The following MGAM2 variants were observed in gnomAD, a reference collection of about 807,000 sequenced individuals.
MGAM2 encodes the protein probable maltase-glucoamylase 2.
MGAM2 carries 98 observed loss-of-function variants against 96.1 expected under a neutral mutation model. The ratio of observed to expected loss-of-function variants is 1.02; its 90% CI spans 0.87 to 1.21. MGAM2 has a LOEUF of 1.21. Ranked by LOEUF, MGAM2 falls within the 50% of genes most tolerant of loss-of-function variation. The pLI is 0.00. For synonymous variants in MGAM2, 749 were observed against 414.8 expected (o/e 1.81, Z -9.79); for missense variants, 2,055 against 1,182.4 (o/e 1.74, Z -10.82).
chr7:142,158,522 A>G (rs1795800588), intron 19 of MGAM2, among the ~76,000 whole-genome samples, 190 bp downstream of exon 19: 1 of 152,190 alleles, frequency 6.6e-6, no homozygotes, highest in Non-Finnish European at 1.5e-5. Flanking sequence ...CAAACAAAAC[A>G]ATTTTCATGT....
At chr7:142,201,359 C>A (rs550470686) in intron 45 of MGAM2, among the ~76,000 whole-genome samples, 1 of 152,036 alleles carries the variant, frequency 6.6e-6, no homozygotes, top group Non-Finnish European at 1.5e-5. Flanking sequence ...TATGAGCCAC[C>A]GTTCCCAGCC....
At position 142,220,193 on chromosome 7, in the gene MGAM2, T is replaced by G. The variant is rs939960155; in HGVS notation, c.5682T>G (p.Asn1894Lys). Residue 1894 changes from asparagine (N) to lysine (K), a missense_variant, in exon 48 of 48, where the codon AAT becomes AAG. By Grantham distance (94) the Asn-to-Lys change is moderately conservative (BLOSUM62 0). Coordinates refer to ENST00000477922, the MANE Select transcript of MGAM2 (RefSeq NM_001293626.2). ...CAAGTACTACTAATGCTAGCACTAATGCTACTGTTCCTATCACAACCACAC... is the reference window on the plus strand; with the variant it reads ...CAAGTACTACTAATGCTAGCACTAAGGCTACTGTTCCTATCACAACCACAC... ...FPTSTTNAST[N>K]ATVPITTTPF... The G allele has an allele frequency of 1.1e-5, 8 of 702,826 alleles. No individual in the cohort carries two copies. The highest frequency in any genetic ancestry group is 1.0e-4 in the African/African-American group (6 of 57,264). 43.5% of individuals were successfully genotyped at this position (702,826 alleles called of 1,614,324 possible). A position where few individuals can be genotyped will look rare whatever the true frequency, so the allele number is the denominator to read the frequency against.
At chr7:142,132,750 A>G (rs1337409435) in intron 6 of MGAM2, among the ~76,000 whole-genome samples, 1 of 125,942 alleles carries the variant, frequency 7.9e-6, no homozygotes, top group Non-Finnish European at 1.6e-5. Context: ...AATAACATAT[A>G]ATATATAATA....
intron 33 of MGAM2, among the ~76,000 whole-genome samples, chr7:142,184,686 A>C (rs1238663448): frequency 1.3e-5 from 2 of 152,180 alleles, no homozygotes; most frequent in East Asian, 3.9e-4. Context: ...AAAAGTATTG[A>C]GGTGAGGTGT....
At chr7:142,135,613 T>C (rs1795033152) in intron 7 of MGAM2, among the ~76,000 whole-genome samples, 1 of 152,108 alleles carries the variant, frequency 6.6e-6, no homozygotes, top group Admixed American at 6.6e-5. Context: ...CCATTATCAG[T>C]ATTATTGCCT....
chr7:142,137,024 C>G (rs922323333), intron 8 of MGAM2, among the ~76,000 whole-genome samples: 16 of 152,164 alleles, frequency 1.1e-4, no homozygotes, highest in Non-Finnish European at 2.2e-4. Flanking sequence ...TTCCCCACTC[C>G]AAATCTTCCT....
At chr7:142,133,386 G>GT (rs1366806367) in intron 6 of MGAM2, among the ~76,000 whole-genome samples, 5 of 150,482 alleles carry the variant, frequency 3.3e-5, no homozygotes, top group Non-Finnish European at 7.4e-5. Context: ...GGATTTTATT[G>GT]TTTTAAATTA....
chr7:142,196,539 A>C (rs557488177), intron 38 of MGAM2, 26 bp from the exon 39 acceptor site: 123 of 713,540 alleles, frequency 1.7e-4, no homozygotes, highest in Non-Finnish European at 2.9e-4. Context: ...TCCTTCCTCC[A>C]ACACAGCTGT....
At position 142,131,948 on chromosome 7, in the gene MGAM2, C is replaced by G. The variant is rs1200312616; in HGVS notation, c.438C>G (p.Asn146Lys). The G allele has an allele frequency of 7.1e-6, 5 of 702,268 alleles. No individual in the cohort carries two copies. The highest frequency in any genetic ancestry group is 2.0e-5 in the Admixed American group (1 of 49,884). 43.5% of individuals were successfully genotyped at this position (702,268 alleles called of 1,614,324 possible). ...RFHFKITDFN[N>K]IRYEVSHENI... is the part of the protein sequence containing the mutation. ...TTTGACAGATCACTGACTTTAATAA[C>G]ATACGCTATGAAGTTTCCCATGAAA... Residue 146 changes from asparagine to lysine, a missense_variant, in exon 6 of 48, where the codon AAC becomes AAG. Asn to Lys is a moderately conservative substitution (Grantham distance 94). Transcript: ENST00000477922.
At chr7:142,157,863 G>A (rs1482573619) in intron 17 of MGAM2, 74 bp from the exon 18 acceptor site, 6 of 667,378 alleles carry the variant, frequency 9.0e-6, no homozygotes, top group Non-Finnish European at 1.6e-5. Flanking sequence ...GTTTCATCTG[G>A]GAAACTTATT....
intron 23 of MGAM2, among the ~76,000 whole-genome samples, 199 bp from the exon 24 acceptor site, chr7:142,164,657 A>G (rs1435968185): frequency 6.6e-6 from 1 of 152,170 alleles, no homozygotes; most frequent in Non-Finnish European, 1.5e-5. Flanking sequence ...AAAAGCAAAG[A>G]TGAAATATTA....
In MGAM2 at chr7:142,154,805, T is replaced by G; in HGVS notation, c.1883T>G (p.Phe628Cys). The stretch of plus-strand genomic sequence containing the variant: ...AGAAGGTGGATGCAGCTTGGAGCAT[T>G]TTATCCACTACCAAGGAATCACAAT... Reference protein sequence around the residue: ...LCRRWMQLGAFYPLPRNHNGP... With the variant: ...LCRRWMQLGACYPLPRNHNGP... Residue 628 changes from phenylalanine to cysteine, a missense_variant, in exon 17 of 48, where the codon TTT becomes TGT. Coordinates refer to ENST00000477922, the MANE Select transcript of MGAM2 (RefSeq NM_001293626.2). 1 of 703,562 alleles carries G rather than the reference T, an allele frequency of 1.4e-6. No individual in the cohort carries two copies. Among genetic ancestry groups the G allele is most frequent in the Non-Finnish European group, 2.6e-6 (1 of 385,100 alleles). The allele number at this position is 703,562 out of a possible 1,614,324, so 43.6% of individuals were successfully genotyped here. A position where few individuals can be genotyped will look rare whatever the true frequency, so the allele number is the denominator to read the frequency against.
intron 19 of MGAM2, 75 bp from the exon 20 acceptor site, chr7:142,159,212 T>C (rs1291064655): frequency 2.9e-6 from 2 of 688,830 alleles, no homozygotes; most frequent in South Asian, 3.1e-5. Context: ...TAGGCACATG[T>C]AATGATGCCT....
chr7:142,188,109 A>AACACACACACACACAC (rs60052742), intron 36 of MGAM2, among the ~76,000 whole-genome samples: 84 of 143,660 alleles, frequency 5.8e-4, no homozygotes, highest in East Asian at 3.2e-3. Flanking sequence ...TAAACCCTTA[A>AACACACACACACACAC]ACACACACAC....
In MGAM2 at chr7:142,183,286, T is replaced by C. The variant is rs980255395; in HGVS notation, c.3837T>C (p.Asn1279=). 1.4e-6 allele frequency: 1 copy of C among 703,274 alleles called. No individual in the cohort carries two copies. The highest frequency in any genetic ancestry group is 1.7e-5 in the African/African-American group (1 of 57,254). The allele number at this position is 703,274 out of a possible 1,614,324, so 43.6% of individuals were successfully genotyped here. Residue 1279 remains asparagine (N), a synonymous_variant, in exon 33 of 48, where the codon AAT becomes AAC. Transcript: ENST00000477922. ...TGCAGGACCCAGCCATTTCTGGCAA[T>C]GAGACACAGTATCTCCCATTCATTA... ...ILILDPAISG[N]ETQYLPFIRG... is the part of the protein sequence containing the mutation.
At chr7:142,198,093 A>T (rs1797106720) in intron 42 of MGAM2, 46 bp from the exon 43 acceptor site, 1 of 692,428 alleles carries the variant, frequency 1.4e-6, no homozygotes, top group Non-Finnish European at 2.6e-6. Flanking sequence ...AAAATGAAAA[A>T]TATTTTTTGA....
chr7:142,129,202 T>A (rs1794812055), intron 3 of MGAM2, among the ~76,000 whole-genome samples: 1 of 152,222 alleles, frequency 6.6e-6, no homozygotes, highest in African/African-American at 2.4e-5. Context: ...TTTGACCAAT[T>A]TCTCCCATTT....
At chr7:142,189,023 T>A (rs1158513017) in intron 36 of MGAM2, among the ~76,000 whole-genome samples, 1 of 152,186 alleles carries the variant, frequency 6.6e-6, no homozygotes, top group Non-Finnish European at 1.5e-5. Context: ...ATGATTGAAA[T>A]AGATTTATTC....
intron 45 of MGAM2, among the ~76,000 whole-genome samples, chr7:142,204,341 T>C (rs1797333916): frequency 6.6e-6 from 1 of 151,962 alleles, no homozygotes; most frequent in Admixed American, 6.5e-5. Context: ...TTTCAAATGG[T>C]TTTATTTTCT....
Sources: allele counts gnomAD v4.1 joint callset (sites outside exome capture counted in the v4.1 genomes callset), GRCh38; gene constraint gnomAD v4.1.1; transcripts MANE v1.5; gene names NCBI Gene and HGNC (gene_info 2026-07-23, HGNC 2026-07-21).